The following GLTP variants were observed in gnomAD, a reference collection of about 807,000 sequenced individuals.
The protein encoded by GLTP is glycolipid transfer protein.
Under a neutral mutation model 24.0 loss-of-function variants are expected in GLTP, and 22 were observed. That is an observed-to-expected ratio of 0.92 (90% CI 0.65 to 1.31). The LOEUF is 1.31. GLTP is among the 50% of genes most tolerant of loss of function. The pLI is 0.00. For missense variants in GLTP, 224 were observed against 276.6 expected, an observed-to-expected ratio of 0.81 and a Z score of 1.35; for synonymous variants, 92 against 115.9, an observed-to-expected ratio of 0.79 and a Z score of 1.33.
rs1892740198 is a variant in GLTP, at chr12:109,852,599, C to T, written c.586G>A (p.Glu196Lys). The T allele has an allele frequency of 6.2e-7, 1 of 1,610,420 alleles. No homozygotes were observed. Among genetic ancestry groups the T allele is most frequent in the East Asian group, 2.2e-5 (1 of 44,866 alleles). Residue 196 changes from glutamate (E) to lysine (K), a missense_variant, in exon 5 of 5, where the codon GAG becomes AAG. Coordinates refer to ENST00000318348, the MANE Select transcript of GLTP (RefSeq NM_016433.4). The stretch of plus-strand genomic sequence containing the variant: ...TCAGCGTTCATCTGGGTGTACATCT[C>T]GTAGATGACATCGATGGTCGCCGTG... ...NYTATIDVIY[E>K]MYTQMNAELN...
In GLTP at chr12:109,857,499, C is replaced by A. The variant is rs920106190; in HGVS notation, c.296+27G>T. 3.1e-6 allele frequency: 5 copies of A among 1,611,728 alleles called. No homozygotes were observed. Among genetic ancestry groups the A allele is most frequent in the Non-Finnish European group, 3.4e-6 (4 of 1,179,612 alleles). ...CTTTCCCTCCTCTGCAGCACAGAGCCCAGGCCCTGCCACCTGAGCCCATCA... is the reference window on the plus strand; with the variant it reads ...CTTTCCCTCCTCTGCAGCACAGAGCACAGGCCCTGCCACCTGAGCCCATCA... On this transcript the variant is annotated intron_variant, in intron 3 of 4. Coordinates refer to ENST00000318348, the MANE Select transcript of GLTP (RefSeq NM_016433.4). The surrounding 1 kb of genome is among the most constrained non-coding windows in gnomAD (Gnocchi z 4.3).
rs61940898 is a variant in GLTP, at chr12:109,875,238, G to A, written c.103+5034C>T. Among the ~76,000 whole-genome samples, 17 of 152,290 alleles carry A rather than the reference G, an allele frequency of 1.1e-4. No individual in the cohort carries two copies. The South Asian group carries it at 1.5e-3, about 13-fold the overall frequency. On this transcript the variant is annotated intron_variant, in intron 1 of 4. Coordinates refer to ENST00000318348, the MANE Select transcript of GLTP (RefSeq NM_016433.4). ...TGATAGGGTCCATGGGAGTCTAAGA[G>A]AGTTAGGAGAGACATTCTGGATAAG...
At chr12:109,861,865 C>G (rs1383768437) in intron 1 of GLTP, among the ~76,000 whole-genome samples, 1 of 152,170 alleles carries the variant, frequency 6.6e-6, no homozygotes, top group Non-Finnish European at 1.5e-5. Context: ...TGTGCTGTGA[C>G]CCAGCAAATG....
chr12:109,862,285 C>T (rs1868386814), intron 1 of GLTP, among the ~76,000 whole-genome samples: 1 of 152,160 alleles, frequency 6.6e-6, no homozygotes, highest in African/African-American at 2.4e-5. Context: ...TCACTGACCT[C>T]CGCTGCGTGT....
At chr12:109,877,153 C>A (rs556013070) in intron 1 of GLTP, among the ~76,000 whole-genome samples, 2 of 152,212 alleles carry the variant, frequency 1.3e-5, no homozygotes, top group Non-Finnish European at 2.9e-5. Context: ...CGCACCAGCC[C>A]ATACTTTTTT....
intron 1 of GLTP, among the ~76,000 whole-genome samples, chr12:109,867,076 C>A (rs1319432979): frequency 6.6e-6 from 1 of 151,892 alleles, no homozygotes; most frequent in Non-Finnish European, 1.5e-5. Flanking sequence ...CTGTACCTGG[C>A]CAACTTTGTG....
intron 1 of GLTP, among the ~76,000 whole-genome samples, chr12:109,873,411 G>C (rs1410990812): frequency 6.6e-6 from 1 of 152,036 alleles, no homozygotes; most frequent in Non-Finnish European, 1.5e-5. Context: ...GACGTGGGTG[G>C]ATCATGAGGT....
rs545132665 is a variant in GLTP, at chr12:109,865,069, A to G, written c.104-6328T>C. On this transcript the variant is annotated intron_variant, in intron 1 of 4. Transcript: ENST00000318348. ...TCTGAATACAGCATGACATGTTTCTACCAGGCTCTCAAGCCTTCCCTTTCC... is the reference window on the plus strand; with the variant it reads ...TCTGAATACAGCATGACATGTTTCTGCCAGGCTCTCAAGCCTTCCCTTTCC... Among the ~76,000 whole-genome samples the G allele has an allele frequency of 1.9e-3, 283 of 152,308 alleles. 1 individual carries two copies. The highest frequency in any genetic ancestry group is 6.5e-3 in the African/African-American group (270 of 41,566).
chr12:109,877,254 T>C (rs564531290), intron 1 of GLTP, among the ~76,000 whole-genome samples: 105 of 152,364 alleles, frequency 6.9e-4, no homozygotes, highest in African/African-American at 2.4e-3. Flanking sequence ...ACCTCAAATG[T>C]TGTCAGACAA....
At chr12:109,875,087 G>A (rs1471170519) in intron 1 of GLTP, among the ~76,000 whole-genome samples, 1 of 152,096 alleles carries the variant, frequency 6.6e-6, no homozygotes, top group Non-Finnish European at 1.5e-5. Flanking sequence ...AATTTGGAAA[G>A]AGAGAGAAGG....
At chr12:109,871,994 C>T (rs1418770949) in intron 1 of GLTP, among the ~76,000 whole-genome samples, 2 of 152,204 alleles carry the variant, frequency 1.3e-5, no homozygotes, top group East Asian at 3.9e-4. Context: ...ACTCAATCCT[C>T]GTCCTTCTGG....
rs946453981 is a variant in GLTP at position 109,855,876 on chromosome 12, G to A, written c.297-107C>T. 4.0e-5 allele frequency: 32 copies of A among 800,230 alleles called. No individual in the cohort carries two copies. The highest frequency in any genetic ancestry group is 5.0e-5 in the Non-Finnish European group (26 of 525,220). 49.6% of individuals were successfully genotyped at this position (800,230 alleles called of 1,614,324 possible). On this transcript the variant is annotated intron_variant, in intron 3 of 4. Transcript: ENST00000318348. The surrounding 1 kb of genome is among the most constrained non-coding windows in gnomAD (Gnocchi z 4.1). The stretch of plus-strand genomic sequence containing the variant: ...CCTACTGTGAGCCAGGAACATGGGC[G>A]CCCCAGAGGGAGTGGTTATTCCCTA...
Position 109,852,463 on chromosome 12 carries a change from G to A in GLTP, c.*92C>T. 1 of 828,446 alleles carries A rather than the reference G, an allele frequency of 1.2e-6. No individual in the cohort carries two copies. The highest frequency in any genetic ancestry group is 2.1e-6 in the Non-Finnish European group (1 of 486,858). The allele number at this position is 828,446 out of a possible 1,614,324, so 51.3% of individuals were successfully genotyped here. On this transcript the variant is annotated 3_prime_UTR_variant, in exon 5 of 5. Transcript: ENST00000318348. ...GGGCTGCTCTGGGGGACACAGGCCA[G>A]GGGCAGTTCACCGACTTGATTCACA...
At chr12:109,866,694 C>G (rs946941996) in intron 1 of GLTP, among the ~76,000 whole-genome samples, 2 of 151,842 alleles carry the variant, frequency 1.3e-5, no homozygotes, top group South Asian at 2.1e-4. Flanking sequence ...CCCCTCAAAC[C>G]GTCACTAAAT....
chr12:109,858,497 G>A (rs906031589), intron 2 of GLTP, among the ~76,000 whole-genome samples, 186 bp downstream of exon 2: 1 of 152,200 alleles, frequency 6.6e-6, no homozygotes, highest in Admixed American at 6.5e-5. Flanking sequence ...TGACCAGATG[G>A]CAAGACTGTG....
chr12:109,861,705 G>T (rs1046728567), intron 1 of GLTP, among the ~76,000 whole-genome samples: 6 of 151,986 alleles, frequency 3.9e-5, no homozygotes, highest in Non-Finnish European at 5.9e-5. Flanking sequence ...CCGAGATTGT[G>T]CCACTGCACT....
rs143113542 is a variant in GLTP at position 109,880,255 on chromosome 12, C to G, written c.103+17G>C. On this transcript the variant is annotated intron_variant, in intron 1 of 4. Coordinates refer to ENST00000318348, the MANE Select transcript of GLTP (RefSeq NM_016433.4). This position sits in a 1 kb window ranked among gnomAD's most constrained non-coding sequence, Gnocchi z 5.1. Reference sequence around the variant, plus strand: ...GCGTGGGGCTGCGGGCCGCCTCCCCCCTCCATTCCGGCTCACCGAAGAAGG... The same window carrying G: ...GCGTGGGGCTGCGGGCCGCCTCCCCGCTCCATTCCGGCTCACCGAAGAAGG... The G allele has an allele frequency of 2.0e-5, 30 of 1,502,866 alleles. No individual in the cohort carries two copies. Among genetic ancestry groups the G allele is most frequent in the East Asian group, 4.6e-5 (2 of 43,464 alleles). 93.1% of individuals were successfully genotyped at this position (1,502,866 alleles called of 1,614,324 possible). A position where few individuals can be genotyped will look rare whatever the true frequency, so the allele number is the denominator to read the frequency against.
intron 1 of GLTP, among the ~76,000 whole-genome samples, chr12:109,876,019 G>A (rs1016745859): frequency 2.0e-5 from 3 of 152,142 alleles, no homozygotes; most frequent in Admixed American, 6.5e-5. Flanking sequence ...CAACAGTAGG[G>A]GCTTGGTTTA....
Position 109,855,748 on chromosome 12 carries a change from G to A in GLTP, c.318C>T (p.Val106=). ...WLKRGLRFIQ[V]FLQSICDGER... is the part of the protein sequence containing the mutation. The stretch of plus-strand genomic sequence containing the variant: ...CCCCGTCGCAGATGCTCTGGAGGAA[G>A]ACCTGGATGAAGCGGAGGCCTCTGT... The change falls in exon 4 of 5, where the codon GTC becomes GTT. Residue 106 remains valine (V), a synonymous_variant. Coordinates refer to ENST00000318348, the MANE Select transcript of GLTP (RefSeq NM_016433.4). This position sits in a 1 kb window ranked among gnomAD's most constrained non-coding sequence, Gnocchi z 4.1. 5 of 1,605,746 alleles carry A rather than the reference G, an allele frequency of 3.1e-6. No homozygotes were observed. Among genetic ancestry groups the A allele is most frequent in the Non-Finnish European group, 4.3e-6 (5 of 1,176,096 alleles).
Sources: allele counts gnomAD v4.1 joint callset (sites outside exome capture counted in the v4.1 genomes callset), GRCh38; gene constraint gnomAD v4.1.1; non-coding constraint Gnocchi (gnomAD v3.1); transcripts MANE v1.5; gene names NCBI Gene and HGNC (gene_info 2026-07-23, HGNC 2026-07-21).